ATP6V1G1: variants seen among roughly 807,000 people sequenced by gnomAD.
ATP6V1G1 encodes ATPase H+ transporting V1 subunit G1, also known as V-type proton ATPase subunit G 1.
In ATP6V1G1, 14 loss-of-function variants were observed where a neutral mutation model predicts 14.2. The observed-to-expected ratio is 0.99, with a 90% CI of 0.65 to 1.55. The LOEUF (loss-of-function observed/expected upper bound fraction) is 1.55. ATP6V1G1 is among the 40% of genes most tolerant of loss of function. ATP6V1G1 has a pLI of 0.00. For missense variants in ATP6V1G1, 137 were observed against 146.4 expected (o/e 0.94, Z 0.33); for synonymous variants, 65 against 53.3 (o/e 1.22, Z -0.96).
chr9:114,590,540 C>G (rs926508405), intron 1 of ATP6V1G1, among the ~76,000 whole-genome samples: 7 of 152,018 alleles, frequency 4.6e-5, no homozygotes, highest in African/African-American at 1.7e-4. Context: ...CTCGGCCTCC[C>G]AAAGTGCTGG....
chr9:114,588,200 T>C (rs906886282), intron 1 of ATP6V1G1: 4 of 452,584 alleles, frequency 8.8e-6, no homozygotes, highest in South Asian at 3.3e-5. Flanking sequence ...AACGGAGCTC[T>C]TTGTTCTTCT....
In ATP6V1G1 at chr9:114,597,974, A is replaced by G. The variant is rs1014732366; in HGVS notation, c.*231A>G. 8.3e-5 allele frequency: 26 copies of G among 314,256 alleles called. No homozygotes were observed. The Middle Eastern group carries it at 2.7e-3, about 33-fold the overall frequency. The allele number at this position is 314,256 out of a possible 1,614,324, so 19.5% of individuals were successfully genotyped here. On this transcript the variant is annotated 3_prime_UTR_variant, in exon 3 of 3. Transcript: ENST00000374050. ...CATATTTCTTAGGAATTTAATGGTT[A>G]TATGTTGTCTTTTTTTCCTATGTCT...
At chr9:114,590,703 T>C (rs1405258493) in intron 1 of ATP6V1G1, among the ~76,000 whole-genome samples, 1 of 152,070 alleles carries the variant, frequency 6.6e-6, no homozygotes, top group African/African-American at 2.4e-5. Context: ...GAAGAGGCAG[T>C]ATATAAAATG....
chr9:114,592,129 G>A (rs1458973876), intron 1 of ATP6V1G1, among the ~76,000 whole-genome samples: 1 of 152,068 alleles, frequency 6.6e-6, no homozygotes, highest in African/African-American at 2.4e-5. Context: ...TGTCCCTTGC[G>A]AGCTTATTAG....
chr9:114,589,991 A>C (rs1344929200), intron 1 of ATP6V1G1, among the ~76,000 whole-genome samples: 1 of 151,934 alleles, frequency 6.6e-6, no homozygotes, highest in African/African-American at 2.4e-5. Context: ...TGAGATCAAG[A>C]GTTTGAGACC....
chr9:114,588,442 T>C (rs1845150182), intron 1 of ATP6V1G1, among the ~76,000 whole-genome samples: 1 of 123,178 alleles, frequency 8.1e-6, no homozygotes, highest in Admixed American at 7.8e-5. Flanking sequence ...CGTTGGCGTG[T>C]GTGCGTGTGT....
Position 114,587,996 on chromosome 9 carries a change from T to A in ATP6V1G1, c.82+76T>A. 3.3e-6 allele frequency: 5 copies of A among 1,492,568 alleles called. No homozygotes were observed. In the South Asian group the frequency reaches 4.9e-5, roughly 15 times the overall value. The allele number at this position is 1,492,568 out of a possible 1,614,324, so 92.5% of individuals were successfully genotyped here. Reference sequence around the variant, plus strand: ...GCTGGGCCTCAGGTGGTGGGTAGATTAGGCCCGAAAAACTGCGGGGTGCGG... The same window carrying A: ...GCTGGGCCTCAGGTGGTGGGTAGATAAGGCCCGAAAAACTGCGGGGTGCGG... On this transcript the variant is annotated intron_variant, in intron 1 of 2. Transcript: ENST00000374050.
intron 2 of ATP6V1G1, among the ~76,000 whole-genome samples, chr9:114,595,811 A>G (rs1428808086): frequency 6.6e-6 from 1 of 152,106 alleles, no homozygotes; most frequent in Non-Finnish European, 1.5e-5. Flanking sequence ...TAGCCTCCTT[A>G]TAGGTCGTTG....
In ATP6V1G1 at chr9:114,597,636, CT is replaced by C. The variant is rs780759538; in HGVS notation, c.251del (p.Leu84ProfsTer33). ...GGAGACCCAGGAGAAGATGACCATC[CT>C]CCAGACATACTTCCGGCAGAACAGG... ...EKETQEKMTI[L>X]QTYFRQNRDE... is the part of the protein sequence containing the mutation. On this transcript the variant is annotated frameshift_variant, in exon 3 of 3. Transcript: ENST00000374050. LOFTEE classifies it high-confidence loss of function. 1 of 1,588,328 alleles carries C rather than the reference CT, an allele frequency of 6.3e-7. No individual in the cohort carries two copies. Among genetic ancestry groups the C allele is most frequent in the East Asian group, 2.3e-5 (1 of 43,094 alleles).
rs916460568 is a variant in ATP6V1G1 at position 114,587,814 on chromosome 9, C to T, written c.-25C>T. The stretch of plus-strand genomic sequence containing the variant: ...CCTTCGAGGTGCCTTAGGCCGCTTG[C>T]CTTGCTCTCAGAATCGCTGCCGCCA... On this transcript the variant is annotated 5_prime_UTR_variant, in exon 1 of 3. Transcript: ENST00000374050. 3 of 1,570,480 alleles carry T rather than the reference C, an allele frequency of 1.9e-6. No homozygotes were observed. Among genetic ancestry groups the T allele is most frequent in the African/African-American group, 1.3e-5 (1 of 74,112 alleles).
chr9:114,594,938 C>A (rs529239194), intron 2 of ATP6V1G1, among the ~76,000 whole-genome samples: 35 of 146,298 alleles, frequency 2.4e-4, no homozygotes, highest in South Asian at 1.1e-3. Flanking sequence ...TGGCTCACTG[C>A]ATCCCCCACC....
At chr9:114,588,214 C>T (rs1845146637) in intron 1 of ATP6V1G1, 3 of 417,774 alleles carry the variant, frequency 7.2e-6, no homozygotes, top group Admixed American at 4.3e-5. Flanking sequence ...TTCTTCTTCT[C>T]TCCCACTTAA....
intron 2 of ATP6V1G1, among the ~76,000 whole-genome samples, chr9:114,594,550 A>C (rs1251810258): frequency 1.3e-5 from 2 of 150,972 alleles, no homozygotes; most frequent in Non-Finnish European, 3.0e-5. Flanking sequence ...TGCCCGGCTA[A>C]TTTTTGTATT....
intron 1 of ATP6V1G1, among the ~76,000 whole-genome samples, chr9:114,588,330 A>C (rs1845148212): frequency 6.6e-6 from 1 of 151,324 alleles, no homozygotes; most frequent in Non-Finnish European, 1.5e-5. Context: ...TCATTTAGTC[A>C]GTCGCCAAGG....
At chr9:114,593,610 G>C (rs961159585) in intron 2 of ATP6V1G1, among the ~76,000 whole-genome samples, 1 of 152,060 alleles carries the variant, frequency 6.6e-6, no homozygotes, top group African/African-American at 2.4e-5. Flanking sequence ...ATCCTCCCCT[G>C]CCCAGCCTTC....
intron 1 of ATP6V1G1, among the ~76,000 whole-genome samples, chr9:114,589,461 T>G (rs1314294553): frequency 6.6e-6 from 1 of 152,168 alleles, no homozygotes; most frequent in Non-Finnish European, 1.5e-5. Context: ...AGTAATTCCT[T>G]GGTGTTTCTC....
At chr9:114,597,381 A>G (rs1463480247) in intron 2 of ATP6V1G1, among the ~76,000 whole-genome samples, 189 bp from the exon 3 acceptor site, 1 of 152,166 alleles carries the variant, frequency 6.6e-6, no homozygotes, top group Non-Finnish European at 1.5e-5. Context: ...CTTTTGGTAG[A>G]TGTGGCTCCT....
intron 2 of ATP6V1G1, 134 bp from the exon 3 acceptor site, chr9:114,597,436 T>C: frequency 1.2e-6 from 1 of 828,048 alleles, no homozygotes; most frequent in Non-Finnish European, 1.7e-6. Flanking sequence ...CATGAGGTCA[T>C]ATTGCCAGCT....
At chr9:114,588,671 T>A (rs1292583756) in intron 1 of ATP6V1G1, among the ~76,000 whole-genome samples, 3 of 151,900 alleles carry the variant, frequency 2.0e-5, no homozygotes, top group Admixed American at 6.6e-5. Context: ...AGGGCTGGAG[T>A]GGAGAAATGT....
Sources: allele counts gnomAD v4.1 joint callset (sites outside exome capture counted in the v4.1 genomes callset), GRCh38; gene constraint gnomAD v4.1.1; transcripts MANE v1.5; gene names NCBI Gene and HGNC (gene_info 2026-07-23, HGNC 2026-07-21).